Variants in COX7A2 observed in about 807,000 individuals in gnomAD.
COX7A2 encodes cytochrome c oxidase subunit 7A2.
A neutral mutation model predicts 11.6 loss-of-function variants in COX7A2; 11 were observed. The ratio of observed to expected loss-of-function variants is 0.95; its 90% CI spans 0.60 to 1.57. COX7A2 has a LOEUF of 1.57. COX7A2 is among the 40% of genes most tolerant of loss of function. The pLI is 0.00. For missense variants in COX7A2, 106 were observed against 100.9 expected, an observed-to-expected ratio of 1.05 and a Z score of -0.22; for synonymous variants, 30 against 38.2, an observed-to-expected ratio of 0.78 and a Z score of 0.79.
At chr6:75,247,872 C>G (rs1219712508), upstream of COX7A2, among the ~76,000 whole-genome samples, 1 of 152,120 alleles carries the variant, frequency 6.6e-6, no homozygotes, top group Non-Finnish European at 1.5e-5. Flanking sequence ...TGTCTCTCTG[C>G]CATATCTTGA....
chr6:75,245,465 T>A (rs993706987), upstream of COX7A2, among the ~76,000 whole-genome samples: 4 of 137,492 alleles, frequency 2.9e-5, no homozygotes, highest in Admixed American at 8.1e-5. Context: ...CACTCCAGCC[T>A]GGGCGACAGA....
At chr6:75,246,421 G>C (rs1036817101), upstream of COX7A2, among the ~76,000 whole-genome samples, 1 of 152,112 alleles carries the variant, frequency 6.6e-6, no homozygotes, top group Non-Finnish European at 1.5e-5. Context: ...ATCTCCAACA[G>C]TACTACTACT....
intron 2 of COX7A2, chr6:75,240,759 T>C (rs1771475864): frequency 5.2e-6 from 1 of 192,012 alleles, no homozygotes; most frequent in South Asian, 1.4e-4. Flanking sequence ...AGGAAACTTT[T>C]TTTCCCTTAA....
At chr6:75,243,916 C>T (rs1238154578), upstream of COX7A2, 9 of 1,185,408 alleles carry the variant, frequency 7.6e-6, no homozygotes, top group East Asian at 2.1e-4. Flanking sequence ...GGCAGTACGG[C>T]TCTATCCGCT....
intron 3 of COX7A2, among the ~76,000 whole-genome samples, chr6:75,238,692 GAAACTCCATCTCA>G (rs1280478017): frequency 2.6e-5 from 2 of 77,212 alleles, no homozygotes; most frequent in African/African-American, 1.1e-4. Context: ...CAACAAGAGC[GAAACTCCATCTCA>G]AAAAAAAAAA....
intron 1 of COX7A2, among the ~76,000 whole-genome samples, chr6:75,242,376 C>T (rs1202739876): frequency 2.0e-5 from 3 of 151,756 alleles, no homozygotes; most frequent in African/African-American, 4.8e-5. Context: ...CATGGTGGTG[C>T]GCACCTGAAA....
At chr6:75,243,855 C>T (rs1176291834), upstream of COX7A2, 2 of 1,604,692 alleles carry the variant, frequency 1.2e-6, no homozygotes, top group South Asian at 1.1e-5. Context: ...CTTTCCGGGC[C>T]GAAGAGAGGC....
chr6:75,245,173 C>G (rs141469733), upstream of COX7A2, among the ~76,000 whole-genome samples: 1 of 152,134 alleles, frequency 6.6e-6, no homozygotes, highest in South Asian at 2.1e-4. Flanking sequence ...GGTGACAGAT[C>G]TAAGAAGCTT....
upstream of COX7A2, among the ~76,000 whole-genome samples, chr6:75,246,144 T>C (rs1771677518): frequency 6.6e-6 from 1 of 152,228 alleles, no homozygotes; most frequent in East Asian, 1.9e-4. Flanking sequence ...AGAAAAACTA[T>C]TCATGTGCTG....
upstream of COX7A2, chr6:75,243,895 A>G (rs1293373142): frequency 2.7e-6 from 4 of 1,468,592 alleles, no homozygotes; most frequent in Admixed American, 7.3e-5. Context: ...GAGCAAAAGA[A>G]AAACTAGAGC....
intron 2 of COX7A2, 161 bp from the exon 3 acceptor site, chr6:75,240,546 C>T (rs240418): frequency 0.88 from 479,569 of 545,738 alleles, 212,638 homozygotes; most frequent in Non-Finnish European, 0.93. Flanking sequence ...TTCTTTATTC[C>T]GTCTCTACTA....
At chr6:75,238,185 GT>G (rs1407773412) in intron 3 of COX7A2, among the ~76,000 whole-genome samples, 197 bp from the exon 4 acceptor site, 2 of 151,882 alleles carry the variant, frequency 1.3e-5, no homozygotes, top group African/African-American at 4.8e-5. Flanking sequence ...AATATAGAAA[GT>G]GTGGCACAAT....
upstream of COX7A2, chr6:75,243,974 C>T (rs1771617675): frequency 5.9e-6 from 4 of 677,992 alleles, no homozygotes; most frequent in Middle Eastern, 2.7e-4. Context: ...CTGACCTTTT[C>T]GATGTTCAGT....
upstream of COX7A2, chr6:75,243,931 C>G (rs1582265124): frequency 1.9e-6 from 2 of 1,034,246 alleles, no homozygotes; most frequent in South Asian, 2.9e-5. Flanking sequence ...TCCGCTCTAG[C>G]CGGCTCGCCG....
rs534862658 is a variant in COX7A2, at chr6:75,238,482, C to T, written c.194-494G>A. Among the ~76,000 whole-genome samples the T allele has an allele frequency of 1.3e-4, 20 of 151,720 alleles. No homozygotes were observed. The East Asian group carries it at 2.5e-3, about 19-fold the overall frequency. ...CAGCACTTTGGGAGGCCGAGGCGGG[C>T]GGATCACCTGAGGTCAGGAGTTCGA... is the stretch of plus-strand genomic sequence containing the variant. On this transcript the variant is annotated intron_variant, in intron 3 of 3. Transcript: ENST00000684430.
intron 1 of COX7A2, chr6:75,249,974 A>T (rs1001350484): frequency 3.3e-5 from 5 of 152,212 alleles, no homozygotes; most frequent in Admixed American, 2.0e-4. Flanking sequence ...AGACCCAACT[A>T]AAAGGAAGAA....
chr6:75,238,855 G>T (rs1227306294), intron 3 of COX7A2, among the ~76,000 whole-genome samples: 1 of 150,032 alleles, frequency 6.7e-6, no homozygotes. Context: ...TCCCTCTGTC[G>T]CCCAGGCTGG....
intron 1 of COX7A2, 105 bp from the exon 2 acceptor site, chr6:75,241,370 C>T: frequency 9.8e-7 from 1 of 1,023,380 alleles, no homozygotes; most frequent in South Asian, 2.8e-5. Context: ...AGACTTGAAG[C>T]ATATCTGATT....
intron 1 of COX7A2, among the ~76,000 whole-genome samples, chr6:75,242,861 A>G (rs1276765477): frequency 6.6e-6 from 1 of 151,890 alleles, no homozygotes; most frequent in African/African-American, 2.4e-5. Flanking sequence ...AAAATAAATA[A>G]AAACAACAAC....
Sources: allele counts gnomAD v4.1 joint callset (sites outside exome capture counted in the v4.1 genomes callset), GRCh38; gene constraint gnomAD v4.1.1; transcripts MANE v1.5; gene names NCBI Gene and HGNC (gene_info 2026-07-23, HGNC 2026-07-21).